Variants in SPRED1 observed in about 807,000 individuals in gnomAD.
SPRED1 encodes sprouty related EVH1 domain containing 1, also known as sprouty-related, EVH1 domain-containing protein 1.
SPRED1 carries 18 observed loss-of-function variants against 52.3 expected under a neutral mutation model. That is an observed-to-expected ratio of 0.34 (90% confidence interval 0.24 to 0.51). The LOEUF (loss-of-function observed/expected upper bound fraction) is 0.51, where lower values mean the gene tolerates loss of function less well. Among genes scored for constraint, SPRED1 ranks in the 20% least tolerant of loss-of-function variants. SPRED1 has a pLI of 0.97. For synonymous variants in SPRED1, 155 were observed against 179.7 expected, an observed-to-expected ratio of 0.86 and a Z score of 1.10; for missense variants, 485 against 551.0, an observed-to-expected ratio of 0.88 and a Z score of 1.20.
At chr15:38,333,908 A>G (rs1407752913) in intron 4 of SPRED1, among the ~76,000 whole-genome samples, 1 of 152,134 alleles carries the variant, frequency 6.6e-6, no homozygotes, top group Non-Finnish European at 1.5e-5. Context: ...TCTGCCGCCT[A>G]GTAACATTTA....
chr15:38,323,059 A>T (rs928566901), intron 3 of SPRED1, among the ~76,000 whole-genome samples: 1 of 151,588 alleles, frequency 6.6e-6, no homozygotes, highest in African/African-American at 2.4e-5. Flanking sequence ...CTAAGACTTG[A>T]TTTTTTTTTC....
At chr15:38,331,159 A>G (rs1437907102) in intron 4 of SPRED1, among the ~76,000 whole-genome samples, 2 of 147,680 alleles carry the variant, frequency 1.4e-5, no homozygotes, top group African/African-American at 4.8e-5. Context: ...GAGTAAAACA[A>G]ATTTTCATTG....
intron 3 of SPRED1, among the ~76,000 whole-genome samples, chr15:38,323,930 G>A (rs770346597): frequency 1.3e-5 from 2 of 152,124 alleles, no homozygotes; most frequent in Admixed American, 6.5e-5. Context: ...GATTTATAAG[G>A]AGTAGCTTAC....
chr15:38,340,995 ATT>A (rs36150872), intron 5 of SPRED1, among the ~76,000 whole-genome samples: 1 of 128,292 alleles, frequency 7.8e-6, no homozygotes, highest in South Asian at 2.6e-4. Context: ...CTGGGCCTGG[ATT>A]TTTTTTTTTT....
chr15:38,324,415 T>A (rs1486027677), intron 3 of SPRED1, among the ~76,000 whole-genome samples: 3 of 152,190 alleles, frequency 2.0e-5, no homozygotes, highest in Non-Finnish European at 4.4e-5. Context: ...AAAAATTGAA[T>A]AAATCACATC....
chr15:38,345,125 A>G (rs1896106451), intron 5 of SPRED1, among the ~76,000 whole-genome samples: 1 of 152,246 alleles, frequency 6.6e-6, no homozygotes, highest in African/African-American at 2.4e-5. Flanking sequence ...TCCATGGTAG[A>G]GAATCTGGCC....
chr15:38,330,260 G>T (rs959052655), intron 4 of SPRED1, among the ~76,000 whole-genome samples: 1 of 152,144 alleles, frequency 6.6e-6, no homozygotes, highest in Non-Finnish European at 1.5e-5. Context: ...ATTGTGTCTT[G>T]CTGCATTTTT....
intron 4 of SPRED1, among the ~76,000 whole-genome samples, chr15:38,331,580 C>G (rs1895807752): frequency 6.6e-6 from 1 of 152,080 alleles, no homozygotes; most frequent in Non-Finnish European, 1.5e-5. Flanking sequence ...TTCAGATTTT[C>G]TTAAGCACTG....
intron 4 of SPRED1, among the ~76,000 whole-genome samples, chr15:38,333,001 T>C (rs1895835965): frequency 6.6e-6 from 1 of 152,144 alleles, no homozygotes. Flanking sequence ...AGGGCACTAA[T>C]CACATTCATG....
chr15:38,308,640 G>A (rs958153823), intron 2 of SPRED1, among the ~76,000 whole-genome samples: 1 of 152,068 alleles, frequency 6.6e-6, no homozygotes, highest in African/African-American at 2.4e-5. Context: ...ATCATTCTCC[G>A]AGGGTTGATC....
intron 4 of SPRED1, among the ~76,000 whole-genome samples, chr15:38,336,138 C>G (rs1465419900): frequency 6.6e-6 from 1 of 151,706 alleles, no homozygotes; most frequent in Non-Finnish European, 1.5e-5. Context: ...TATTCCCAAA[C>G]CTGATTTCAA....
rs780755149 is a variant in SPRED1, at chr15:38,310,151, G to GTTTT, written c.207+10605_207+10606insTTTT. ...TGTGTGTGTGTGTGTGTGTGTGTGT[G>GTTTT]TGTTTGGAGACGAAGTTTCGCTCTT... On this transcript the variant is annotated intron_variant, in intron 2 of 6. Coordinates refer to ENST00000299084, the MANE Select transcript of SPRED1 (RefSeq NM_152594.3). Among the ~76,000 whole-genome samples, 309 of 122,770 alleles carry GTTTT rather than the reference G, an allele frequency of 2.5e-3. 2 individuals are homozygous for GTTTT. Among genetic ancestry groups the GTTTT allele is most frequent in the Admixed American group, 6.7e-3 (78 of 11,638 alleles). 80.5% of individuals were successfully genotyped at this position (122,770 alleles called of 152,430 possible). A position where few individuals can be genotyped will look rare whatever the true frequency, so the allele number is the denominator to read the frequency against.
intron 2 of SPRED1, among the ~76,000 whole-genome samples, chr15:38,320,496 T>A (rs184336596): frequency 2.6e-5 from 4 of 152,204 alleles, no homozygotes; most frequent in Admixed American, 2.6e-4. Flanking sequence ...TATTTTTTTT[T>A]AAGAAAAATT....
chr15:38,348,875 T>C (rs1317784968), intron 5 of SPRED1, among the ~76,000 whole-genome samples: 1 of 152,138 alleles, frequency 6.6e-6, no homozygotes, highest in Non-Finnish European at 1.5e-5. Context: ...ATCAGGACAC[T>C]AAAGATTCCT....
At chr15:38,267,270 A>G (rs1894328037) in intron 1 of SPRED1, among the ~76,000 whole-genome samples, 1 of 152,184 alleles carries the variant, frequency 6.6e-6, no homozygotes, top group Non-Finnish European at 1.5e-5. Flanking sequence ...TTGTTTTACC[A>G]AAAGTTTACC....
At chr15:38,288,434 T>A (rs535190478) in intron 1 of SPRED1, among the ~76,000 whole-genome samples, 31 of 152,216 alleles carry the variant, frequency 2.0e-4, no homozygotes, top group Non-Finnish European at 2.2e-4. Context: ...AAATAAATAA[T>A]TTCAGATAGT....
chr15:38,336,633 C>G (rs1263947462), intron 4 of SPRED1, among the ~76,000 whole-genome samples: 2 of 151,784 alleles, frequency 1.3e-5, no homozygotes, highest in East Asian at 3.9e-4. Flanking sequence ...GCATTTGCAG[C>G]AACCTGGATG....
chr15:38,253,263 C>T (rs767735871), intron 1 of SPRED1, 46 bp downstream of exon 1: 4 of 1,545,998 alleles, frequency 2.6e-6, no homozygotes, highest in Non-Finnish European at 3.5e-6. Flanking sequence ...TCCCCCTATC[C>T]GCCCTCGGCT....
At chr15:38,329,302 T>A (rs555230865) in intron 4 of SPRED1, among the ~76,000 whole-genome samples, 12 of 152,306 alleles carry the variant, frequency 7.9e-5, no homozygotes, top group Admixed American at 6.5e-4. Flanking sequence ...ACTAAGTTAA[T>A]CTTCTTTAGA....
Sources: allele counts gnomAD v4.1 joint callset (sites outside exome capture counted in the v4.1 genomes callset), GRCh38; gene constraint gnomAD v4.1.1; transcripts MANE v1.5; gene names NCBI Gene and HGNC (gene_info 2026-07-23, HGNC 2026-07-21).